KIAA0825: variants seen among roughly 807,000 people sequenced by gnomAD.
The protein encoded by KIAA0825 is KIAA0825.
In KIAA0825, 119 loss-of-function variants were observed where a neutral mutation model predicts 147.6. The observed-to-expected ratio is 0.81, with a 90% CI of 0.69 to 0.94. The LOEUF is 0.94. KIAA0825 is among the 40% of genes least tolerant of loss of function. The probability of loss-of-function intolerance (pLI) is 0.00; values close to 1 mark genes in which losing one functional copy is unlikely to be tolerated. For missense variants in KIAA0825, 1,381 were observed against 1,472.7 expected, an observed-to-expected ratio of 0.94 and a Z score of 1.02; for synonymous variants, 470 against 518.1, an observed-to-expected ratio of 0.91 and a Z score of 1.26.
At chr5:94,440,168 A>G in intron 13 of KIAA0825, 47 bp from the exon 14 acceptor site, 4 of 1,506,840 alleles carry the variant, frequency 2.7e-6, no homozygotes, top group Non-Finnish European at 3.6e-6. Flanking sequence ...TAATTTATCT[A>G]TGAAATTAAT....
chr5:94,176,705 A>G (rs1426283594), intron 20 of KIAA0825, among the ~76,000 whole-genome samples: 1 of 152,202 alleles, frequency 6.6e-6, no homozygotes, highest in African/African-American at 2.4e-5. Context: ...CTATACCCAA[A>G]GAGTACTTTG....
chr5:94,550,781 G>A (rs997412356), intron 2 of KIAA0825, among the ~76,000 whole-genome samples: 6 of 151,458 alleles, frequency 4.0e-5, no homozygotes, highest in African/African-American at 1.5e-4. Context: ...GGCGGAGCTT[G>A]CAGTGAGCCC....
intron 20 of KIAA0825, among the ~76,000 whole-genome samples, chr5:94,264,124 T>A (rs1020135406): frequency 6.6e-6 from 1 of 152,306 alleles, no homozygotes; most frequent in African/African-American, 2.4e-5. Context: ...ATTCCTCTTA[T>A]TCAATCTCAT....
intron 20 of KIAA0825, among the ~76,000 whole-genome samples, chr5:94,342,325 A>T (rs1782505220): frequency 6.6e-6 from 1 of 152,216 alleles, no homozygotes; most frequent in South Asian, 2.1e-4. Flanking sequence ...TTCAAATAAC[A>T]TACTGTTAAA....
intron 1 of KIAA0825, among the ~76,000 whole-genome samples, chr5:94,598,959 A>T (rs984627978): frequency 6.6e-6 from 1 of 152,158 alleles, no homozygotes; most frequent in African/African-American, 2.4e-5. Context: ...TCATCAATAT[A>T]CTGATTTCCT....
At chr5:94,601,695 T>C (rs992003461) in intron 1 of KIAA0825, among the ~76,000 whole-genome samples, 1 of 152,098 alleles carries the variant, frequency 6.6e-6, no homozygotes, top group African/African-American at 2.4e-5. Flanking sequence ...ACAGAGGATA[T>C]AACTGACCGG....
Position 94,396,461 on chromosome 5 carries a change from A to AATT in KIAA0825, c.2935_2936insAAT (p.Lys978_Leu979insTer), listed in dbSNP as rs1407716355. ...AGGCAAACATGCAATCACCGTAGGT[A>AATT]ACTTGCTGATTACAATAGATACTGC... On this transcript the variant is annotated stop_gained, in exon 17 of 21. Transcript: ENST00000682413. LOFTEE classifies it high-confidence loss of function. The AATT allele has an allele frequency of 1.3e-6, 2 of 1,533,880 alleles. No individual in the cohort carries two copies. The highest frequency in any genetic ancestry group is 1.8e-6 in the Non-Finnish European group (2 of 1,139,460).
At chr5:94,363,656 C>T (rs1161195836) in intron 20 of KIAA0825, among the ~76,000 whole-genome samples, 1 of 152,098 alleles carries the variant, frequency 6.6e-6, no homozygotes, top group Admixed American at 6.5e-5. Flanking sequence ...GAGGCTGAGG[C>T]AGGAGGATTG....
chr5:94,242,123 G>A (rs1775376201), intron 20 of KIAA0825, among the ~76,000 whole-genome samples: 1 of 152,174 alleles, frequency 6.6e-6, no homozygotes, highest in African/African-American at 2.4e-5. Context: ...TGACAGGTAT[G>A]TATAATGAAC....
In KIAA0825 at chr5:94,480,657, A is replaced by C. The variant is rs180775779; in HGVS notation, c.1133-3452T>G. On this transcript the variant is annotated intron_variant, in intron 6 of 20. Transcript: ENST00000682413. ...TTTCACTCCCAAATACATTATGTTTATTCACTCAAAGTAATGTGCTCAGAT... is the reference window on the plus strand; with the variant it reads ...TTTCACTCCCAAATACATTATGTTTCTTCACTCAAAGTAATGTGCTCAGAT... Among the ~76,000 whole-genome samples, 289 of 152,204 alleles carry C rather than the reference A, an allele frequency of 1.9e-3. 2 individuals are homozygous for C. Among genetic ancestry groups the C allele is most frequent in the Non-Finnish European group, 2.6e-3 (175 of 67,934 alleles).
At chr5:94,604,537 C>T (rs572450756) in intron 1 of KIAA0825, among the ~76,000 whole-genome samples, 25 of 151,924 alleles carry the variant, frequency 1.6e-4, no homozygotes, top group Middle Eastern at 6.8e-3. Context: ...CCAGCCTGGG[C>T]GACAGAATGA....
At chr5:94,535,310 G>A (rs1771740735) in intron 3 of KIAA0825, among the ~76,000 whole-genome samples, 1 of 151,832 alleles carries the variant, frequency 6.6e-6, no homozygotes, top group Non-Finnish European at 1.5e-5. Flanking sequence ...AGGAGTTCGA[G>A]ACTAGCCTGG....
chr5:94,317,743 A>C (rs757647759), intron 20 of KIAA0825, among the ~76,000 whole-genome samples: 1 of 151,846 alleles, frequency 6.6e-6, no homozygotes, highest in Non-Finnish European at 1.5e-5. Context: ...AGTGAAAATG[A>C]GATAAATACG....
chr5:94,546,849 G>T (rs1301583912), intron 2 of KIAA0825, among the ~76,000 whole-genome samples: 1 of 132,254 alleles, frequency 7.6e-6, no homozygotes, highest in Non-Finnish European at 1.6e-5. Flanking sequence ...AGGAAAACAT[G>T]ACCTCACCCA....
chr5:94,337,289 A>G (rs951272044), intron 20 of KIAA0825, among the ~76,000 whole-genome samples: 1 of 152,180 alleles, frequency 6.6e-6, no homozygotes, highest in Non-Finnish European at 1.5e-5. Context: ...ATTGGTATGG[A>G]TCTTATTTCA....
chr5:94,356,675 A>G (rs978225887), intron 20 of KIAA0825, among the ~76,000 whole-genome samples: 6 of 151,756 alleles, frequency 4.0e-5, no homozygotes, highest in African/African-American at 1.5e-4. Context: ...TCATTTTGTC[A>G]TGGGACTCCA....
At chr5:94,174,538 A>G (rs1009484052) in intron 20 of KIAA0825, among the ~76,000 whole-genome samples, 10 of 152,156 alleles carry the variant, frequency 6.6e-5, no homozygotes, top group African/African-American at 2.4e-4. Flanking sequence ...GTCAATTATG[A>G]ATTACATTTC....
At chr5:94,384,167 G>A (rs1057495638) in intron 20 of KIAA0825, among the ~76,000 whole-genome samples, 1 of 152,076 alleles carries the variant, frequency 6.6e-6, no homozygotes, top group Non-Finnish European at 1.5e-5. Flanking sequence ...GGTATTTAGA[G>A]AGTATACTCC....
intron 20 of KIAA0825, among the ~76,000 whole-genome samples, chr5:94,189,879 T>C (rs1050894997): frequency 6.6e-6 from 1 of 152,228 alleles, no homozygotes; most frequent in African/African-American, 2.4e-5. Context: ...TCTAAAAATA[T>C]TGAATCTTCA....
Sources: allele counts gnomAD v4.1 joint callset (sites outside exome capture counted in the v4.1 genomes callset), GRCh38; gene constraint gnomAD v4.1.1; transcripts MANE v1.5; gene names NCBI Gene and HGNC (gene_info 2026-07-23, HGNC 2026-07-21).